The following FMN1 variants were observed in gnomAD, a reference collection of about 807,000 sequenced individuals.
The protein encoded by FMN1 is formin 1.
Under a neutral mutation model 132.4 loss-of-function variants are expected in FMN1, and 110 were observed. That is an observed-to-expected ratio of 0.83 (90% CI 0.71 to 0.97). The LOEUF is 0.97. FMN1 is among the 50% of genes least tolerant of loss of function. The pLI, the probability that FMN1 is intolerant of heterozygous loss-of-function variation, is 0.00. For synonymous variants in FMN1, 722 were observed against 651.7 expected (o/e 1.11, Z -1.64); for missense variants, 1,792 against 1,705.3 (o/e 1.05, Z -0.90).
At chr15:33,041,464 A>C (rs1596533807) in intron 6 of FMN1, among the ~76,000 whole-genome samples, 2 of 71,590 alleles carry the variant, frequency 2.8e-5, no homozygotes, top group Non-Finnish European at 6.6e-5. Context: ...GACGTTCCTC[A>C]CCAGTAAACA....
chr15:32,984,375 C>T (rs766589738), intron 7 of FMN1, among the ~76,000 whole-genome samples: 1 of 152,086 alleles, frequency 6.6e-6, no homozygotes, highest in South Asian at 2.1e-4. Context: ...CAGTTTCCTC[C>T]TATACTTAAA....
chr15:32,826,575 C>G (rs2058372937), intron 17 of FMN1, among the ~76,000 whole-genome samples: 1 of 152,136 alleles, frequency 6.6e-6, no homozygotes, highest in South Asian at 2.1e-4. Context: ...AATGAGAAAC[C>G]AGGAAAGTAG....
chr15:33,112,342 A>T (rs2039741120), intron 4 of FMN1, among the ~76,000 whole-genome samples: 1 of 152,154 alleles, frequency 6.6e-6, no homozygotes, highest in Admixed American at 6.6e-5. Flanking sequence ...TTATTTAAAA[A>T]CACCTATCTC....
At chr15:32,966,066 C>G (rs188756767) in intron 8 of FMN1, among the ~76,000 whole-genome samples, 1 of 152,184 alleles carries the variant, frequency 6.6e-6, no homozygotes, top group Admixed American at 6.5e-5. Context: ...GGCCACTGGT[C>G]TGGGCCTTGG....
intron 19 of FMN1, among the ~76,000 whole-genome samples, chr15:32,780,864 C>T (rs189514570): frequency 3.3e-5 from 5 of 151,786 alleles, no homozygotes; most frequent in African/African-American, 4.9e-5. Flanking sequence ...CTACACTGTG[C>T]GTATAATTTT....
chr15:32,822,627 T>C (rs750303070), intron 17 of FMN1, among the ~76,000 whole-genome samples: 1 of 152,142 alleles, frequency 6.6e-6, no homozygotes, highest in Non-Finnish European at 1.5e-5. Context: ...TGCACATATG[T>C]GTACATTTAT....
chr15:32,949,785 A>C (rs2061584550), intron 9 of FMN1, among the ~76,000 whole-genome samples: 1 of 151,386 alleles, frequency 6.6e-6, no homozygotes, highest in South Asian at 2.1e-4. Context: ...AGAATGGGAG[A>C]AAAACTTTGC....
chr15:33,097,120 C>G (rs982822780), intron 4 of FMN1, among the ~76,000 whole-genome samples: 3 of 151,802 alleles, frequency 2.0e-5, no homozygotes, highest in Admixed American at 2.0e-4. Flanking sequence ...ATGGCAAAAC[C>G]CCATCTCTAC....
Position 33,194,607 on chromosome 15 carries a change from G to C in FMN1, c.-378C>G, listed in dbSNP as rs1481939789. On this transcript the variant is annotated 5_prime_UTR_variant, in exon 1 of 21. Coordinates refer to ENST00000616417, the MANE Select transcript of FMN1 (RefSeq NM_001277313.2). ...CCAATACTCGGGAGGCTGGTCCCGA[G>C]TCCCAGCTACTCGGGAGGCTGAGGC... 2 of 152,312 alleles carry C rather than the reference G, an allele frequency of 1.3e-5. No individual in the cohort carries two copies. The highest frequency in any genetic ancestry group is 2.9e-5 in the Non-Finnish European group (2 of 68,174). 9.4% of individuals were successfully genotyped at this position (152,312 alleles called of 1,614,324 possible). A position where few individuals can be genotyped will look rare whatever the true frequency, so the allele number is the denominator to read the frequency against.
At chr15:32,915,800 A>C (rs2060670618) in intron 10 of FMN1, among the ~76,000 whole-genome samples, 1 of 152,218 alleles carries the variant, frequency 6.6e-6, no homozygotes, top group African/African-American at 2.4e-5. Flanking sequence ...TTTTACTTTT[A>C]TCTCCTTCCC....
At chr15:33,133,364 T>C (rs1963629953) in intron 4 of FMN1, among the ~76,000 whole-genome samples, 1 of 152,196 alleles carries the variant, frequency 6.6e-6, no homozygotes, top group Non-Finnish European at 1.5e-5. Flanking sequence ...GAGATCAGTC[T>C]TCTGGTCTCT....
chr15:32,836,577 C>T (rs2058632172), intron 17 of FMN1, among the ~76,000 whole-genome samples: 1 of 152,164 alleles, frequency 6.6e-6, no homozygotes, highest in East Asian at 1.9e-4. Flanking sequence ...TCTCCCTAAG[C>T]TGTATATGTC....
intron 19 of FMN1, among the ~76,000 whole-genome samples, chr15:32,778,142 A>ATATATAATACATTTATTATATAT (rs1555451543): frequency 4.5e-5 from 5 of 110,668 alleles, no homozygotes; most frequent in Non-Finnish European, 8.4e-5. Context: ...ATTATGTATA[A>ATATATAATACATTTATTATATAT]TATATAATAC....
intron 4 of FMN1, among the ~76,000 whole-genome samples, chr15:33,098,987 C>A (rs921757192): frequency 7.9e-5 from 12 of 152,262 alleles, no homozygotes; most frequent in African/African-American, 2.9e-4. Flanking sequence ...CTTGAATAGC[C>A]CAGGCGTGGT....
chr15:32,782,657 G>A (rs1462728458), intron 19 of FMN1, among the ~76,000 whole-genome samples: 1 of 152,188 alleles, frequency 6.6e-6, no homozygotes, highest in Non-Finnish European at 1.5e-5. Flanking sequence ...TTTAATCAAA[G>A]AAAATTTGCT....
chr15:32,775,686 A>C (rs190198913), intron 20 of FMN1, among the ~76,000 whole-genome samples: 121 of 152,294 alleles, frequency 7.9e-4, no homozygotes, highest in African/African-American at 2.8e-3. Flanking sequence ...GGACTTCTCC[A>C]TTTCTCATTC....
intron 8 of FMN1, among the ~76,000 whole-genome samples, chr15:32,967,367 G>A (rs954678659): frequency 2.6e-5 from 4 of 152,184 alleles, no homozygotes; most frequent in South Asian, 2.1e-4. Flanking sequence ...ACAGCTCCCC[G>A]TGCTGTCGGA....
At position 33,047,661 on chromosome 15, in the gene FMN1, C is replaced by T. The variant is rs77328651; in HGVS notation, c.2161+17296G>A. On this transcript the variant is annotated intron_variant, in intron 6 of 20. Coordinates refer to ENST00000616417, the MANE Select transcript of FMN1 (RefSeq NM_001277313.2). The stretch of plus-strand genomic sequence containing the variant: ...GTGTTAGCTGATGATTTTGAGTTAT[C>T]AAGGGTATCAGGAAATGACTTTGAA... 8.7e-3 allele frequency among the ~76,000 whole-genome samples: 1,318 copies of T among 152,244 alleles called. 23 individuals are homozygous for T. Among genetic ancestry groups the T allele is most frequent in the African/African-American group, 0.03 (1,259 of 41,544 alleles).
chr15:32,972,031 G>GT (rs1404578700), intron 7 of FMN1, among the ~76,000 whole-genome samples: 2 of 152,032 alleles, frequency 1.3e-5, no homozygotes, highest in Admixed American at 6.6e-5. Context: ...CTGTACCTCA[G>GT]TTTTTTTTGT....
Sources: gnomAD v4.1 joint callset for allele counts (sites outside exome capture counted in the v4.1 genomes callset) on GRCh38, gnomAD v4.1.1 for gene constraint, MANE v1.5 for transcripts, NCBI Gene and HGNC (gene_info 2026-07-23, HGNC 2026-07-21) for gene names.